The following FAM178B variants were observed in gnomAD, a reference collection of about 807,000 sequenced individuals.
The protein encoded by FAM178B is family with sequence similarity 178 member B.
FAM178B carries 82 observed loss-of-function variants against 91.7 expected under a neutral mutation model. That is an observed-to-expected ratio of 0.89 (90% CI 0.75 to 1.07). The LOEUF (loss-of-function observed/expected upper bound fraction) is 1.07. Ranked by LOEUF, FAM178B falls within the 50% of genes least tolerant of loss-of-function variation. FAM178B has a pLI of 0.00. For synonymous variants in FAM178B, 368 were observed against 359.4 expected (o/e 1.02, Z -0.27); for missense variants, 769 against 846.7 (o/e 0.91, Z 1.14).
At chr2:96,948,827 C>G (rs1048683539) in intron 7 of FAM178B, among the ~76,000 whole-genome samples, 1 of 152,098 alleles carries the variant, frequency 6.6e-6, no homozygotes, top group African/African-American at 2.4e-5. Flanking sequence ...GATAATTGGC[C>G]GAGGCTGGAG....
chr2:96,984,206 G>A (rs371871719), intron 1 of FAM178B, among the ~76,000 whole-genome samples: 6 of 152,072 alleles, frequency 3.9e-5, no homozygotes, highest in African/African-American at 1.2e-4. Flanking sequence ...GTGATCTGCC[G>A]CTTCAGCCTC....
chr2:96,979,294 T>TC (rs55955395), intron 1 of FAM178B, among the ~76,000 whole-genome samples: 3 of 146,142 alleles, frequency 2.1e-5, no homozygotes, highest in Non-Finnish European at 3.0e-5. Context: ...TTTTTTTTTT[T>TC]CCTGAGACAG....
At chr2:96,964,553 C>T (rs1055532472) in intron 5 of FAM178B, among the ~76,000 whole-genome samples, 6 of 152,322 alleles carry the variant, frequency 3.9e-5, no homozygotes, top group Middle Eastern at 3.4e-3. Context: ...TGCACATGTT[C>T]TTCAAGTTTC....
chr2:96,974,847 TG>T (rs1189516949), intron 1 of FAM178B, among the ~76,000 whole-genome samples: 2 of 151,994 alleles, frequency 1.3e-5, no homozygotes, highest in Admixed American at 6.6e-5. Flanking sequence ...CCCAGCACTT[TG>T]GGAGGCCGAG....
chr2:96,925,920 A>G (rs182963378), intron 9 of FAM178B, among the ~76,000 whole-genome samples: 166 of 152,282 alleles, frequency 1.1e-3, no homozygotes, highest in Non-Finnish European at 1.9e-3. Flanking sequence ...TCTTTAATCA[A>G]TTGCCCCCTC....
intron 8 of FAM178B, among the ~76,000 whole-genome samples, chr2:96,933,198 G>A (rs113816922): frequency 1.3e-5 from 2 of 152,060 alleles, no homozygotes; most frequent in African/African-American, 4.8e-5. Context: ...AGCCGAGATC[G>A]CGCCACTGCA....
intron 12 of FAM178B, among the ~76,000 whole-genome samples, chr2:96,905,144 T>A (rs1279456825): frequency 6.6e-6 from 1 of 152,094 alleles, no homozygotes; most frequent in East Asian, 1.9e-4. Context: ...TCTGATCATG[T>A]TTCATTTCTT....
Position 96,967,622 on chromosome 2 carries a change from T to C in FAM178B, c.632A>G (p.Gln211Arg). The C allele has an allele frequency of 6.5e-7, 1 of 1,548,024 alleles. No homozygotes were observed. The highest frequency in any genetic ancestry group is 2.4e-5 in the East Asian group (1 of 40,914). ...LDYLLQEKRE[Q>R]ALEQERERLL... ...CCTCTCTCGCTCCTGCTCCAGGGCC[T>C]GTTCCCTATAGGAAGTCGAGGGCCA... Residue 211 changes from glutamine to arginine, a missense_variant, in exon 5 of 17, where the codon CAG (glutamine) becomes CGG (arginine). Transcript: ENST00000490605.
intron 5 of FAM178B, among the ~76,000 whole-genome samples, chr2:96,966,632 AATGG>A (rs2082147307): frequency 2.6e-5 from 4 of 152,154 alleles, no homozygotes; most frequent in African/African-American, 7.2e-5. Context: ...CAAATGGGTG[AATGG>A]ATGGTGTTAC....
At chr2:96,878,207 C>T (rs193131302) in intron 15 of FAM178B, among the ~76,000 whole-genome samples, 165 bp from the exon 16 acceptor site, 16 of 152,280 alleles carry the variant, frequency 1.1e-4, no homozygotes, top group Middle Eastern at 3.4e-3. Context: ...TGTTGGGGCT[C>T]GGGTCAGTGT....
chr2:96,939,608 C>T (rs549557180), intron 8 of FAM178B, among the ~76,000 whole-genome samples: 5 of 152,148 alleles, frequency 3.3e-5, no homozygotes, highest in African/African-American at 1.2e-4. Flanking sequence ...CATGCAAAGG[C>T]CCTGTGGCAG....
At chr2:96,892,911 G>C (rs1370548910) in intron 14 of FAM178B, among the ~76,000 whole-genome samples, 1 of 152,212 alleles carries the variant, frequency 6.6e-6, no homozygotes, top group African/African-American at 2.4e-5. Context: ...CATGCAGACA[G>C]CTCACGCTCT....
intron 13 of FAM178B, among the ~76,000 whole-genome samples, chr2:96,896,974 C>G (rs1441465210): frequency 6.6e-6 from 1 of 152,240 alleles, no homozygotes; most frequent in Non-Finnish European, 1.5e-5. Context: ...TCAAGCAATT[C>G]TCCTGCCTCA....
intron 5 of FAM178B, among the ~76,000 whole-genome samples, chr2:96,962,693 G>A (rs1033822119): frequency 2.0e-5 from 3 of 152,112 alleles, no homozygotes; most frequent in Non-Finnish European, 2.9e-5. Flanking sequence ...CAGCACACAC[G>A]CAAGGTCTTT....
At chr2:96,898,126 C>A in intron 13 of FAM178B, 3 of 985,496 alleles carry the variant, frequency 3.0e-6, no homozygotes, top group African/African-American at 1.7e-5. Flanking sequence ...CAATTCTAAA[C>A]CCCTGTGCCC....
rs2081814023 is a variant in FAM178B, at chr2:96,945,564, A to T, written c.1078+2254T>A. 3.9e-5 allele frequency among the ~76,000 whole-genome samples: 6 copies of T among 152,062 alleles called. No individual in the cohort carries two copies. In the South Asian group the frequency reaches 1.2e-3, roughly 32 times the overall value. Reference sequence around the variant, plus strand: ...CACAAACACACACGTGCGCGCGCACACACAAATCATAGATACGGGTGAAGG... The same window carrying T: ...CACAAACACACACGTGCGCGCGCACTCACAAATCATAGATACGGGTGAAGG... On this transcript the variant is annotated intron_variant, in intron 8 of 16. Transcript: ENST00000490605.
intron 10 of FAM178B, among the ~76,000 whole-genome samples, chr2:96,922,456 TCTC>T (rs1224875153): frequency 6.6e-6 from 1 of 152,084 alleles, no homozygotes; most frequent in African/African-American, 2.4e-5. Flanking sequence ...TTCCAGCAAT[TCTC>T]CTGCCTCAGC....
intron 9 of FAM178B, among the ~76,000 whole-genome samples, chr2:96,924,921 G>A (rs906232033): frequency 6.6e-6 from 1 of 152,060 alleles, no homozygotes; most frequent in Non-Finnish European, 1.5e-5. Context: ...GGCTCAGAGG[G>A]GAAGGAGGAG....
chr2:96,917,274 C>T (rs2081256543), intron 12 of FAM178B, among the ~76,000 whole-genome samples: 1 of 152,184 alleles, frequency 6.6e-6, no homozygotes, highest in Admixed American at 6.5e-5. Flanking sequence ...AAAATAAAAT[C>T]AATAACACTG....
Sources: allele counts gnomAD v4.1 joint callset (sites outside exome capture counted in the v4.1 genomes callset), GRCh38; gene constraint gnomAD v4.1.1; transcripts MANE v1.5; gene names NCBI Gene and HGNC (gene_info 2026-07-23, HGNC 2026-07-21).